Variants in STK38L observed in about 807,000 individuals in gnomAD.
STK38L encodes serine/threonine-protein kinase 38-like.
Under a neutral mutation model 59.7 loss-of-function variants are expected in STK38L, and 28 were observed. That is an observed-to-expected ratio of 0.47 (90% CI 0.35 to 0.64). The LOEUF (loss-of-function observed/expected upper bound fraction) is 0.64. STK38L is among the 30% of genes least tolerant of loss of function. The probability of loss-of-function intolerance (pLI) is 0.01; values close to 1 mark genes in which losing one functional copy is unlikely to be tolerated. For missense variants in STK38L, 314 were observed against 555.8 expected (o/e 0.56, Z 4.37); for synonymous variants, 162 against 176.8 (o/e 0.92, Z 0.66).
intron 1 of STK38L, among the ~76,000 whole-genome samples, chr12:27,255,552 C>T (rs1456430730): frequency 1.3e-5 from 2 of 152,148 alleles, no homozygotes; most frequent in African/African-American, 4.8e-5. Flanking sequence ...GTCATCTAGT[C>T]CAACTCTGTT....
In STK38L at chr12:27,325,301, T is replaced by C. The variant is rs1462674100; in HGVS notation, c.*2846T>C. 6.6e-6 allele frequency: 1 copy of C among 152,172 alleles called. No homozygotes were observed. The highest frequency in any genetic ancestry group is 1.9e-4 in the East Asian group (1 of 5,206). The allele number at this position is 152,172 out of a possible 1,614,324, so 9.4% of individuals were successfully genotyped here. A position where few individuals can be genotyped will look rare whatever the true frequency, so the allele number is the denominator to read the frequency against. On this transcript the variant is annotated 3_prime_UTR_variant, in exon 14 of 14. Coordinates refer to ENST00000389032, the MANE Select transcript of STK38L (RefSeq NM_015000.4). The stretch of plus-strand genomic sequence containing the variant: ...GTTCTTTGGTTGGTAAGGCCTAAGA[T>C]AGGGTTTCATTTATTTCTATACTTT...
intron 1 of STK38L, among the ~76,000 whole-genome samples, chr12:27,261,909 A>G (rs1943210718): frequency 1.3e-5 from 2 of 152,258 alleles, no homozygotes; most frequent in Admixed American, 1.3e-4. Context: ...CTTACATATT[A>G]TTAACTAATA....
intron 5 of STK38L, among the ~76,000 whole-genome samples, chr12:27,311,710 T>G (rs1531409): frequency 0.02 from 3,003 of 151,912 alleles, 44 homozygotes; most frequent in Non-Finnish European, 0.03. Context: ...TTTATAGATA[T>G]GGTAGAGGTT....
intron 1 of STK38L, among the ~76,000 whole-genome samples, chr12:27,281,614 C>G (rs963465926): frequency 6.6e-6 from 1 of 152,190 alleles, no homozygotes; most frequent in Admixed American, 6.5e-5. Context: ...ACAGTACTGC[C>G]TGGCACAGAG....
chr12:27,270,677 G>A (rs903752317), intron 1 of STK38L, among the ~76,000 whole-genome samples: 7 of 151,826 alleles, frequency 4.6e-5, no homozygotes, highest in African/African-American at 7.3e-5. Context: ...CGCACCCAGC[G>A]CTTTTAAATT....
chr12:27,283,857 C>T (rs191661710), intron 1 of STK38L, among the ~76,000 whole-genome samples: 1 of 152,234 alleles, frequency 6.6e-6, no homozygotes, highest in African/African-American at 2.4e-5. Context: ...AAGGAGTTCC[C>T]ATGACCTCAT....
chr12:27,319,437 C>G lies in STK38L; in HGVS notation c.1175+14C>G. The G allele has an allele frequency of 6.3e-7, 1 of 1,593,176 alleles. No homozygotes were observed. The highest frequency in any genetic ancestry group is 8.6e-7 in the Non-Finnish European group (1 of 1,165,350). ...GGAGCACATAAGGTATGTTCCTAGG[C>G]TTTGAATGGGAAAGGTCTGAGTAAA... On this transcript the variant is annotated intron_variant, in intron 12 of 13. Transcript: ENST00000389032.
At chr12:27,292,287 A>T (rs539863090) in intron 1 of STK38L, among the ~76,000 whole-genome samples, 14 of 152,344 alleles carry the variant, frequency 9.2e-5, no homozygotes, top group Admixed American at 7.8e-4. Context: ...AGTTTTGTAT[A>T]ATTTAAATTT....
At chr12:27,314,965 T>A (rs561974869) in intron 7 of STK38L, 50 bp from the exon 8 acceptor site, 1 of 1,426,224 alleles carries the variant, frequency 7.0e-7, no homozygotes, top group African/African-American at 1.4e-5. Flanking sequence ...ATAACAAGGC[T>A]TTTTGTTTTC....
chr12:27,266,729 G>A (rs1026657790), intron 1 of STK38L, among the ~76,000 whole-genome samples: 7 of 152,136 alleles, frequency 4.6e-5, no homozygotes, highest in Non-Finnish European at 1.0e-4. Context: ...ATTCCTGGGG[G>A]CAATATTCAA....
At chr12:27,255,321 A>G (rs560110682) in intron 1 of STK38L, among the ~76,000 whole-genome samples, 1 of 152,242 alleles carries the variant, frequency 6.6e-6, no homozygotes, top group Non-Finnish European at 1.5e-5. Flanking sequence ...GCTTTTCTGT[A>G]CAAGTAAACC....
chr12:27,250,924 G>A (rs750131914), intron 1 of STK38L, among the ~76,000 whole-genome samples: 1 of 150,736 alleles, frequency 6.6e-6, no homozygotes, highest in Non-Finnish European at 1.5e-5. Context: ...GCGTCAACCC[G>A]GGAGGTGGAG....
intron 1 of STK38L, among the ~76,000 whole-genome samples, chr12:27,275,312 A>G (rs922776529): frequency 2.1e-5 from 3 of 145,546 alleles, no homozygotes; most frequent in African/African-American, 7.6e-5. Context: ...TCGTTTGTTT[A>G]TATGTCTGTC....
At chr12:27,287,138 C>T (rs1458189027) in intron 1 of STK38L, among the ~76,000 whole-genome samples, 13 of 143,600 alleles carry the variant, frequency 9.1e-5, no homozygotes, top group African/African-American at 2.1e-4. Context: ...TTCACTCTGT[C>T]GCCCAGGCTG....
At chr12:27,280,305 T>G (rs1943626382) in intron 1 of STK38L, among the ~76,000 whole-genome samples, 1 of 152,248 alleles carries the variant, frequency 6.6e-6, no homozygotes, top group Admixed American at 6.5e-5. Flanking sequence ...AAGTCAGTAC[T>G]GATTCCAGCT....
chr12:27,300,023 A>G (rs1206416378), intron 2 of STK38L, among the ~76,000 whole-genome samples: 1 of 152,214 alleles, frequency 6.6e-6, no homozygotes, highest in African/African-American at 2.4e-5. Flanking sequence ...GGCACTTAAA[A>G]AAATTCATCA....
intron 11 of STK38L, among the ~76,000 whole-genome samples, chr12:27,318,724 G>T (rs1319922232): frequency 2.0e-5 from 3 of 152,184 alleles, no homozygotes; most frequent in African/African-American, 7.2e-5. Context: ...GGGCACAGCA[G>T]CTCATGCCTG....
intron 1 of STK38L, among the ~76,000 whole-genome samples, chr12:27,260,903 G>T (rs1323821891): frequency 6.6e-6 from 1 of 152,182 alleles, no homozygotes; most frequent in Non-Finnish European, 1.5e-5. Flanking sequence ...ATCAAGGCTA[G>T]TTTAACTAGA....
At chr12:27,273,530 A>G (rs1943468386) in intron 1 of STK38L, among the ~76,000 whole-genome samples, 2 of 152,252 alleles carry the variant, frequency 1.3e-5, no homozygotes, top group African/African-American at 4.8e-5. Context: ...GAGATAATGT[A>G]TATAAAGTAT....
Sources: allele counts gnomAD v4.1 joint callset (sites outside exome capture counted in the v4.1 genomes callset), GRCh38; gene constraint gnomAD v4.1.1; transcripts MANE v1.5; gene names NCBI Gene and HGNC (gene_info 2026-07-23, HGNC 2026-07-21).